STPG2: variants seen among roughly 807,000 people sequenced by gnomAD.
The protein encoded by STPG2 is sperm tail PG-rich repeat containing 2, also known as sperm-tail PG-rich repeat-containing protein 2.
Under a neutral mutation model 54.2 loss-of-function variants are expected in STPG2, and 56 were observed. The observed-to-expected ratio is 1.03, with a 90% CI of 0.83 to 1.29. STPG2 has a LOEUF of 1.29. Among genes scored for constraint, STPG2 ranks in the 50% most tolerant of loss-of-function variants. The probability of loss-of-function intolerance (pLI) is 0.00; values close to 1 mark genes in which losing one functional copy is unlikely to be tolerated. For synonymous variants in STPG2, 200 were observed against 181.8 expected, an observed-to-expected ratio of 1.10 and a Z score of -0.81; for missense variants, 596 against 544.9, an observed-to-expected ratio of 1.09 and a Z score of -0.93.
chr4:97,889,346 T>G (rs752576665), intron 8 of STPG2, among the ~76,000 whole-genome samples: 1 of 152,216 alleles, frequency 6.6e-6, no homozygotes, highest in Non-Finnish European at 1.5e-5. Context: ...TAAATCAGTA[T>G]GTTGATGAGA....
At chr4:97,861,521 A>T (rs2149141378) in intron 8 of STPG2, among the ~76,000 whole-genome samples, 1 of 152,300 alleles carries the variant, frequency 6.6e-6, no homozygotes, top group Middle Eastern at 3.4e-3. Flanking sequence ...AAAAGAAAAG[A>T]AATCAGTATA....
At chr4:97,804,461 A>C (rs1373802558) in intron 9 of STPG2, among the ~76,000 whole-genome samples, 2 of 152,144 alleles carry the variant, frequency 1.3e-5, no homozygotes, top group Non-Finnish European at 2.9e-5. Context: ...TTTCTATTTT[A>C]AAGTTTAAAA....
At chr4:97,968,247 G>C (rs2149253844) in intron 7 of STPG2, among the ~76,000 whole-genome samples, 1 of 151,718 alleles carries the variant, frequency 6.6e-6, no homozygotes, top group South Asian at 2.1e-4. Context: ...CACGAATTTT[G>C]AATCACTGAA....
At chr4:97,912,585 T>C (rs1401409523) in intron 8 of STPG2, among the ~76,000 whole-genome samples, 1 of 152,104 alleles carries the variant, frequency 6.6e-6, no homozygotes, top group Non-Finnish European at 1.5e-5. Flanking sequence ...GAAGATGACC[T>C]TTCTGAAATG....
At chr4:97,990,915 C>T (rs1011626895) in intron 5 of STPG2, among the ~76,000 whole-genome samples, 1 of 152,048 alleles carries the variant, frequency 6.6e-6, no homozygotes, top group Non-Finnish European at 1.5e-5. Flanking sequence ...ATTATTACTA[C>T]CATTTTTTTC....
rs565909748 is a variant in STPG2, at chr4:97,566,064, C to T, written c.1321-6947G>A. Among the ~76,000 whole-genome samples, 7 of 152,292 alleles carry T rather than the reference C, an allele frequency of 4.6e-5. No homozygotes were observed. The East Asian group carries it at 1.2e-3, about 25-fold the overall frequency. ...GTGGAGCCTACAGAGACAGGCAGGC[C>T]TCCTTGAGCTGTGGTGGGCTCCACC... is the stretch of plus-strand genomic sequence containing the variant. On this transcript the variant is annotated intron_variant, in intron 10 of 10. Transcript: ENST00000295268.
At chr4:97,873,773 T>G (rs1730076414) in intron 8 of STPG2, among the ~76,000 whole-genome samples, 1 of 151,602 alleles carries the variant, frequency 6.6e-6, no homozygotes, top group African/African-American at 2.4e-5. Context: ...TTGAAGATAT[T>G]TTCATCTCTT....
chr4:97,731,697 C>T (rs1394088320), intron 9 of STPG2, among the ~76,000 whole-genome samples: 1 of 152,136 alleles, frequency 6.6e-6, no homozygotes, highest in Non-Finnish European at 1.5e-5. Flanking sequence ...ATAGACTGCT[C>T]TTGAGAAGAG....
At chr4:97,457,922 T>A (rs530808918) in intron 4 of STPG2, among the ~76,000 whole-genome samples, 12 of 152,308 alleles carry the variant, frequency 7.9e-5, no homozygotes, top group Non-Finnish European at 1.5e-4. Flanking sequence ...AACTAAACTT[T>A]AACACTCATT....
intron 9 of STPG2, among the ~76,000 whole-genome samples, chr4:97,739,979 A>G (rs1725165892): frequency 6.6e-6 from 1 of 152,174 alleles, no homozygotes; most frequent in African/African-American, 2.4e-5. Flanking sequence ...ATACTGGCAA[A>G]CCGAATCCAG....
At chr4:97,705,803 C>T (rs1175481067) in intron 10 of STPG2, among the ~76,000 whole-genome samples, 1 of 151,650 alleles carries the variant, frequency 6.6e-6, no homozygotes, top group Non-Finnish European at 1.5e-5. Flanking sequence ...AGAGATTTTT[C>T]ATTTTGGACT....
chr4:97,880,593 T>C (rs1330289154), intron 8 of STPG2, among the ~76,000 whole-genome samples: 1 of 152,162 alleles, frequency 6.6e-6, no homozygotes, highest in Middle Eastern at 3.2e-3. Flanking sequence ...AAAATGATCT[T>C]GGTGGTTAAG....
chr4:97,935,884 C>T (rs185814023), intron 8 of STPG2, among the ~76,000 whole-genome samples: 8 of 152,066 alleles, frequency 5.3e-5, no homozygotes, highest in East Asian at 1.9e-4. Context: ...TCTGTAGATA[C>T]GTATCAGTTA....
chr4:97,851,793 C>T (rs902725795), intron 8 of STPG2, among the ~76,000 whole-genome samples: 1 of 152,026 alleles, frequency 6.6e-6, no homozygotes, highest in Non-Finnish European at 1.5e-5. Context: ...ACTTTTAATG[C>T]TTAAGTTTTC....
chr4:97,637,036 C>T (rs1721568805), intron 10 of STPG2, among the ~76,000 whole-genome samples: 1 of 123,208 alleles, frequency 8.1e-6, no homozygotes, highest in African/African-American at 2.9e-5. Flanking sequence ...AGAGACAAAA[C>T]CAAAAAAGAG....
chr4:98,030,886 C>G (rs1159023726), intron 5 of STPG2, among the ~76,000 whole-genome samples: 3 of 152,060 alleles, frequency 2.0e-5, no homozygotes, highest in Admixed American at 2.0e-4. Flanking sequence ...AAAATTAACT[C>G]AAGATAGATT....
chr4:97,895,851 G>A (rs1420649916), intron 8 of STPG2, among the ~76,000 whole-genome samples: 1 of 151,704 alleles, frequency 6.6e-6, no homozygotes, highest in Non-Finnish European at 1.5e-5. Flanking sequence ...TAATTCCCTT[G>A]CCCATATCCC....
intron 4 of STPG2, among the ~76,000 whole-genome samples, chr4:97,465,352 T>A (rs1205940124): frequency 6.6e-6 from 1 of 152,182 alleles, no homozygotes; most frequent in Non-Finnish European, 1.5e-5. Context: ...TTTGTCCAGA[T>A]TTTTCTTATT....
rs556505237 is a variant in STPG2 at position 98,079,092 on chromosome 4, A to G, written c.612+26861T>C. Among the ~76,000 whole-genome samples, 786 of 152,236 alleles carry G rather than the reference A, an allele frequency of 5.2e-3. 4 individuals carry two copies. Among genetic ancestry groups the G allele is most frequent in the Middle Eastern group, 0.02 (6 of 294 alleles). ...TTCAATTATATCCTAGCTTTTTTGG[A>G]TGCTCAAAATAGTTATATTATATAT... On this transcript the variant is annotated intron_variant, in intron 5 of 10. Transcript: ENST00000295268.
Sources: allele counts gnomAD v4.1 joint callset (sites outside exome capture counted in the v4.1 genomes callset), GRCh38; gene constraint gnomAD v4.1.1; transcripts MANE v1.5; gene names NCBI Gene and HGNC (gene_info 2026-07-23, HGNC 2026-07-21).